Variants in FKTN observed in about 807,000 individuals in gnomAD.
The protein encoded by FKTN is fukutin.
Under a neutral mutation model 58.6 loss-of-function variants are expected in FKTN, and 47 were observed. The ratio of observed to expected loss-of-function variants is 0.80; its 90% confidence interval spans 0.63 to 1.02. The LOEUF is 1.02. FKTN is among the 50% of genes least tolerant of loss of function. The pLI is 0.00. For missense variants in FKTN, 516 were observed against 537.3 expected, an observed-to-expected ratio of 0.96 and a Z score of 0.39; for synonymous variants, 178 against 191.9, an observed-to-expected ratio of 0.93 and a Z score of 0.60.
At chr9:105,585,365 A>C (rs896446750) in intron 3 of FKTN, among the ~76,000 whole-genome samples, 2 of 152,282 alleles carry the variant, frequency 1.3e-5, no homozygotes, top group Admixed American at 1.3e-4. Flanking sequence ...GTTTGAGTTT[A>C]CAGTGAGCTA....
intron 10 of FKTN, among the ~76,000 whole-genome samples, chr9:105,630,204 A>C (rs1833241543): frequency 6.6e-6 from 1 of 152,204 alleles, no homozygotes; most frequent in Non-Finnish European, 1.5e-5. Context: ...GTATAATTAA[A>C]AAAAAGAAAA....
At chr9:105,574,457 A>G (rs1226958177) in intron 2 of FKTN, 1 of 152,584 alleles carries the variant, frequency 6.6e-6, no homozygotes, top group Non-Finnish European at 1.5e-5. Flanking sequence ...GAAAACATAC[A>G]TGGAGTATAA....
chr9:105,620,775 ATAGTAG>A (rs58977246), intron 10 of FKTN, among the ~76,000 whole-genome samples: 3,237 of 145,344 alleles, frequency 0.022, 33 homozygotes, highest in Middle Eastern at 0.029. Flanking sequence ...TAATACTACT[ATAGTAG>A]TAGTAGTAGT....
chr9:105,562,246 C>T (rs1025334221), intron 1 of FKTN, among the ~76,000 whole-genome samples: 13 of 152,228 alleles, frequency 8.5e-5, no homozygotes, highest in African/African-American at 2.4e-4. Flanking sequence ...AAATCAGTCT[C>T]GCCAAAGACT....
intron 3 of FKTN, 98 bp downstream of exon 3, chr9:105,575,235 A>G: frequency 1.3e-6 from 1 of 782,746 alleles, no homozygotes; most frequent in Admixed American, 1.9e-5. Context: ...AATCATGGGT[A>G]TTCAAATTCT....
Position 105,639,990 on chromosome 9 carries a change from T to C in FKTN, c.*4726T>C. On this transcript the variant is annotated 3_prime_UTR_variant, in exon 11 of 11. Coordinates refer to ENST00000357998, the MANE Select transcript of FKTN (RefSeq NM_001079802.2). The stretch of plus-strand genomic sequence containing the variant: ...GAGGGAAGAAATCTGGAATACTTAA[T>C]TTCATTTAATTATCTATGCTGATGA... 4.0e-6 allele frequency: 6 copies of C among 1,514,088 alleles called. No homozygotes were observed. The highest frequency in any genetic ancestry group is 5.3e-6 in the Non-Finnish European group (6 of 1,132,332). The allele number at this position is 1,514,088 out of a possible 1,614,324, so 93.8% of individuals were successfully genotyped here. A position where few individuals can be genotyped will look rare whatever the true frequency, so the allele number is the denominator to read the frequency against.
chr9:105,569,037 G>C lies in FKTN; in HGVS notation c.-180-4618G>C, dbSNP rs570418902. Among the ~76,000 whole-genome samples, 7 of 152,222 alleles carry C rather than the reference G, an allele frequency of 4.6e-5. No homozygotes were observed. In the East Asian group the frequency reaches 1.2e-3, roughly 25 times the overall value. On this transcript the variant is annotated intron_variant, in intron 1 of 10. Coordinates refer to ENST00000357998, the MANE Select transcript of FKTN (RefSeq NM_001079802.2). ...CATCATTCTCAGCAAACTATCTCAA[G>C]GACAGAAAACCAAACATCGCATGTT...
At chr9:105,579,961 C>G (rs967702467) in intron 3 of FKTN, among the ~76,000 whole-genome samples, 7 of 151,684 alleles carry the variant, frequency 4.6e-5, no homozygotes, top group Non-Finnish European at 8.8e-5. Context: ...GGTTTAAAGT[C>G]TGTTTTATCA....
chr9:105,619,773 T>C lies in FKTN; in HGVS notation c.1045-161T>C, dbSNP rs187457647. The stretch of plus-strand genomic sequence containing the variant: ...ATGATATGTTACTGATGCATCCCAA[T>C]TTCAGAGGTGCCTTAACTTGAAAAA... On this transcript the variant is annotated intron_variant, in intron 9 of 10. Transcript: ENST00000357998. 188 of 583,506 alleles carry C rather than the reference T, an allele frequency of 3.2e-4. No individual in the cohort carries two copies. The African/African-American group carries it at 3.3e-3, about 10-fold the overall frequency. 36.1% of individuals were successfully genotyped at this position (583,506 alleles called of 1,614,324 possible). A position where few individuals can be genotyped will look rare whatever the true frequency, so the allele number is the denominator to read the frequency against.
chr9:105,580,115 T>C (rs1372208201), intron 3 of FKTN, among the ~76,000 whole-genome samples: 1 of 152,098 alleles, frequency 6.6e-6, no homozygotes, highest in East Asian at 1.9e-4. Context: ...CTTGACTCTT[T>C]ATCCAATTTG....
Position 105,618,059 on chromosome 9 carries a change from T to G in FKTN, c.1011T>G (p.Asp337Glu). 6.2e-7 allele frequency: 1 copy of G among 1,612,208 alleles called. No individual in the cohort carries two copies. Among genetic ancestry groups the G allele is most frequent in the South Asian group, 1.1e-5 (1 of 91,068 alleles). Residue 337 changes from aspartate to glutamate, a missense_variant, in exon 9 of 11, where the codon GAT becomes GAG. Transcript: ENST00000357998. The stretch of plus-strand genomic sequence containing the variant: ...CTGATATTATTTTAGCATTTCAGGA[T>G]GCAGGACTTCCGCTCAAACACAAAT... Reference protein sequence around the residue: ...YKSDIILAFQDAGLPLKHKFG... With the variant: ...YKSDIILAFQEAGLPLKHKFG...
rs1052612064 is a variant in FKTN at position 105,581,083 on chromosome 9, A to G, written c.105+5946A>G. On this transcript the variant is annotated intron_variant, in intron 3 of 10. Coordinates refer to ENST00000357998, the MANE Select transcript of FKTN (RefSeq NM_001079802.2). ...ATACATTCTTCTCAATTTTTTTCAAAGTTTTTAACTTCTTTGCCTTTGGTT... is the reference window on the plus strand; with the variant it reads ...ATACATTCTTCTCAATTTTTTTCAAGGTTTTTAACTTCTTTGCCTTTGGTT... Among the ~76,000 whole-genome samples, 31 of 149,420 alleles carry G rather than the reference A, an allele frequency of 2.1e-4. 1 individual carries two copies. Among genetic ancestry groups the G allele is most frequent in the African/African-American group, 7.8e-4 (31 of 39,626 alleles).
At chr9:105,602,599 A>T (rs1319339593) in intron 5 of FKTN, among the ~76,000 whole-genome samples, 1 of 152,246 alleles carries the variant, frequency 6.6e-6, no homozygotes, top group Non-Finnish European at 1.5e-5. Flanking sequence ...TGTGTCACCC[A>T]GGCTGGAGTG....
At chr9:105,561,607 G>C (rs573764247) in intron 1 of FKTN, among the ~76,000 whole-genome samples, 1 of 152,134 alleles carries the variant, frequency 6.6e-6, no homozygotes, top group Non-Finnish European at 1.5e-5. Context: ...TCAGAAAGGA[G>C]TAACTATGTA....
chr9:105,635,534 A>G lies in FKTN; in HGVS notation c.*270A>G. The G allele has an allele frequency of 7.6e-7, 1 of 1,319,564 alleles. No homozygotes were observed. The highest frequency in any genetic ancestry group is 9.7e-7 in the Non-Finnish European group (1 of 1,029,960). 81.7% of individuals were successfully genotyped at this position (1,319,564 alleles called of 1,614,324 possible). On this transcript the variant is annotated 3_prime_UTR_variant, in exon 11 of 11. Coordinates refer to ENST00000357998, the MANE Select transcript of FKTN (RefSeq NM_001079802.2). ...ATTCCTCCTTTTGGTAAACAACTCA[A>G]TTTTCCTTTGAGGGAACCCTCCCCC...
At chr9:105,630,267 A>T (rs189798944) in intron 10 of FKTN, among the ~76,000 whole-genome samples, 1 of 152,218 alleles carries the variant, frequency 6.6e-6, no homozygotes, top group East Asian at 1.9e-4. Flanking sequence ...TGTTACATTA[A>T]CTCTCTCAAA....
At chr9:105,569,128 G>A (rs781104218) in intron 1 of FKTN, among the ~76,000 whole-genome samples, 25 of 152,040 alleles carry the variant, frequency 1.6e-4, no homozygotes, top group Non-Finnish European at 4.4e-5. Flanking sequence ...ATCACACACC[G>A]GGGCCTGTTG....
intron 3 of FKTN, among the ~76,000 whole-genome samples, chr9:105,580,493 C>T (rs1400234850): frequency 8.0e-6 from 1 of 125,512 alleles, no homozygotes; most frequent in Non-Finnish European, 1.6e-5. Flanking sequence ...TGAATATTGG[C>T]CCCCACTCTC....
At chr9:105,617,867 GA>G (rs925619706) in intron 8 of FKTN, 91 bp from the exon 9 acceptor site, 11 of 875,860 alleles carry the variant, frequency 1.3e-5, no homozygotes, top group African/African-American at 5.2e-5. Context: ...TAAAAAAAAA[GA>G]AAAAAAATCC....
Sources: gnomAD v4.1 joint callset for allele counts (sites outside exome capture counted in the v4.1 genomes callset) on GRCh38, gnomAD v4.1.1 for gene constraint, MANE v1.5 for transcripts, NCBI Gene and HGNC (gene_info 2026-07-23, HGNC 2026-07-21) for gene names.